The following NUP160 variants were observed in gnomAD, a reference collection of about 807,000 sequenced individuals.
NUP160 encodes nuclear pore complex protein Nup160.
A neutral mutation model predicts 196.9 loss-of-function variants in NUP160; 94 were observed. The ratio of observed to expected loss-of-function variants is 0.48; its 90% CI spans 0.40 to 0.57. The LOEUF (loss-of-function observed/expected upper bound fraction) is 0.57. NUP160 is among the 20% of genes least tolerant of loss of function. NUP160 has a pLI of 0.00. For missense variants in NUP160, 1,638 were observed against 1,748.3 expected, an observed-to-expected ratio of 0.94 and a Z score of 1.13; for synonymous variants, 605 against 619.7, an observed-to-expected ratio of 0.98 and a Z score of 0.35.
chr11:47,814,777 G>A (rs1428596306), intron 13 of NUP160, among the ~76,000 whole-genome samples: 1 of 152,128 alleles, frequency 6.6e-6, no homozygotes, highest in Admixed American at 6.6e-5. Context: ...AAAGGAGCAT[G>A]ATATCTACAA....
intron 19 of NUP160, 64 bp from the exon 20 acceptor site, chr11:47,806,376 T>A: frequency 2.3e-6 from 3 of 1,280,852 alleles, no homozygotes; most frequent in Non-Finnish European, 3.3e-6. Context: ...ATTAAAATAG[T>A]CTATCAATTC....
At position 47,835,653 on chromosome 11, in the gene NUP160, G is replaced by A; in HGVS notation, c.1099C>T (p.Gln367Ter). The A allele has an allele frequency of 6.3e-7, 1 of 1,575,190 alleles. No individual in the cohort carries two copies. The highest frequency in any genetic ancestry group is 8.6e-7 in the Non-Finnish European group (1 of 1,161,664). ...TATGTGTCTTATTTGTTTCATACCT[G>A]TCCTCGTTTTGGTGCATGCATGTAT... is the stretch of plus-strand genomic sequence containing the variant. Residue 367 changes from glutamine (Q) to a stop codon, truncating the protein, a stop_gained and splice_region_variant, in exon 7 of 36, where the codon CAG (glutamine) becomes TAG (stop). Transcript: ENST00000378460. LOFTEE classifies it high-confidence loss of function.
intron 20 of NUP160, 74 bp from the exon 21 acceptor site, chr11:47,804,692 GA>G (rs1248272587): frequency 6.0e-6 from 6 of 998,842 alleles, no homozygotes; most frequent in Middle Eastern, 2.2e-4. Context: ...ATCAAATTCA[GA>G]AAAGTCCATA....
At chr11:47,781,410 G>C (rs967302824) in intron 34 of NUP160, among the ~76,000 whole-genome samples, 1 of 151,598 alleles carries the variant, frequency 6.6e-6, no homozygotes, top group Non-Finnish European at 1.5e-5. Flanking sequence ...CTATAGGCAC[G>C]CACCACCATG....
chr11:47,798,400 T>C lies in NUP160; in HGVS notation c.2959A>G (p.Ile987Val), dbSNP rs145864405. 13 of 1,611,536 alleles carry C rather than the reference T, an allele frequency of 8.1e-6. No individual in the cohort carries two copies. The Admixed American group carries it at 8.4e-5, about 10-fold the overall frequency. Residue 987 changes from isoleucine to valine, a missense_variant, in exon 24 of 36, where the codon ATA (isoleucine) becomes GTA (valine). Physicochemically the swap from Ile to Val is conservative, Grantham distance 29. Around this residue, in one of 3 missense-constraint regions of NUP160, gnomAD observed 1,345 missense variants for 1,470.2 expected, o/e 0.91. Coordinates refer to ENST00000378460, the Ensembl canonical transcript of NUP160. Reference sequence around the variant, plus strand: ...TTCCAGTCATCACCTGCTTCAGTTATGGCTGATGTAGCCAACTGAATAACC... The same window carrying C: ...TTCCAGTCATCACCTGCTTCAGTTACGGCTGATGTAGCCAACTGAATAACC...
At position 47,848,364 on chromosome 11, in the gene NUP160, C is replaced by T; in HGVS notation, c.57G>A (p.Ala19=). 6.2e-7 allele frequency: 1 copy of T among 1,610,548 alleles called. No homozygotes were observed. The highest frequency in any genetic ancestry group is 8.5e-7 in the Non-Finnish European group (1 of 1,178,680). The change falls in exon 1 of 36, where the codon GCG becomes GCA. Residue 19 remains alanine, a synonymous_variant. Transcript: ENST00000378460. ...GCCCAACGGAACAAAGGCAGGGCCG[C>T]GCGGTCGCCGTCACTTCCGGGGGTG...
At chr11:47,827,813 C>T (rs1012498139) in intron 7 of NUP160, among the ~76,000 whole-genome samples, 1 of 151,750 alleles carries the variant, frequency 6.6e-6, no homozygotes, top group African/African-American at 2.4e-5. Context: ...TTTTAAAAAC[C>T]CTACAAGAAA....
chr11:47,789,623 T>C (rs928236254), intron 29 of NUP160, among the ~76,000 whole-genome samples: 2 of 152,010 alleles, frequency 1.3e-5, no homozygotes, highest in African/African-American at 4.8e-5. Context: ...ATGCTGAAAA[T>C]AAACTAAAAA....
intron 27 of NUP160, among the ~76,000 whole-genome samples, chr11:47,797,466 T>C (rs2097671523): frequency 6.6e-6 from 1 of 152,170 alleles, no homozygotes; most frequent in Non-Finnish European, 1.5e-5. Flanking sequence ...CTCGAACTCC[T>C]GACCTCAGGT....
chr11:47,825,250 G>A (rs555599951), intron 7 of NUP160, among the ~76,000 whole-genome samples: 1 of 151,920 alleles, frequency 6.6e-6, no homozygotes, highest in Admixed American at 6.6e-5. Flanking sequence ...GACTGCAGGA[G>A]TGAGTTACAG....
chr11:47,792,639 T>C, intron 28 of NUP160, 147 bp downstream of exon 28: 1 of 753,014 alleles, frequency 1.3e-6, no homozygotes, highest in Non-Finnish European at 2.1e-6. Context: ...AATTGAATTG[T>C]AAACATAGAT....
chr11:47,822,297 G>C (rs1851876488), intron 7 of NUP160, 133 bp from the exon 8 acceptor site: 1 of 505,906 alleles, frequency 2.0e-6, no homozygotes, highest in African/African-American at 2.0e-5. Flanking sequence ...TTGCTCTGTT[G>C]CCCAGGCTGG....
intron 9 of NUP160, 133 bp downstream of exon 9, chr11:47,821,591 C>T: frequency 1.5e-6 from 1 of 659,262 alleles, no homozygotes; most frequent in Non-Finnish European, 2.7e-6. Context: ...AACTCCTGAG[C>T]TTAAGTGATT....
At chr11:47,805,524 A>T (rs911350322) in intron 20 of NUP160, among the ~76,000 whole-genome samples, 4 of 146,896 alleles carry the variant, frequency 2.7e-5, no homozygotes, top group African/African-American at 1.0e-4. Context: ...GGCTCACTGC[A>T]AGCTCCGCCT....
intron 34 of NUP160, among the ~76,000 whole-genome samples, chr11:47,781,541 G>C (rs2135337256): frequency 6.6e-6 from 1 of 152,260 alleles, no homozygotes; most frequent in South Asian, 2.1e-4. Context: ...TAGGATTACA[G>C]GTGTGAGCTA....
intron 7 of NUP160, among the ~76,000 whole-genome samples, chr11:47,826,324 T>C (rs1184948191): frequency 1.3e-5 from 2 of 152,214 alleles, no homozygotes; most frequent in Non-Finnish European, 2.9e-5. Flanking sequence ...AAGTTCACTA[T>C]AATCTGGATA....
At chr11:47,782,317 T>A (rs1285843629) in intron 34 of NUP160, among the ~76,000 whole-genome samples, 3,004 of 11,670 alleles carry the variant, frequency 0.26, 510 homozygotes, top group African/African-American at 0.54. Context: ...TATATATATA[T>A]ATATATATAT....
intron 5 of NUP160, 31 bp from the exon 6 acceptor site, chr11:47,837,032 A>C (rs752957861): frequency 8.1e-7 from 1 of 1,230,804 alleles, no homozygotes; most frequent in East Asian, 2.3e-5. Flanking sequence ...TTAGAGTTTT[A>C]CTGCTGCAAA....
intron 18 of NUP160, among the ~76,000 whole-genome samples, chr11:47,807,622 G>A (rs1406006946): frequency 6.6e-6 from 1 of 151,052 alleles, no homozygotes; most frequent in Non-Finnish European, 1.5e-5. Context: ...AGCCGAGATC[G>A]CACCATTGCA....
Sources: gnomAD v4.1 joint callset for allele counts (sites outside exome capture counted in the v4.1 genomes callset) on GRCh38, gnomAD v4.1.1 for gene constraint, gnomAD v4.1.1 regional missense constraint, MANE v1.5 for transcripts, NCBI Gene and HGNC (gene_info 2026-07-23, HGNC 2026-07-21) for gene names.